DMXL2: variants seen among roughly 807,000 people sequenced by gnomAD.
DMXL2 encodes dmX-like protein 2.
Under a neutral mutation model 331.1 loss-of-function variants are expected in DMXL2, and 103 were observed. That is an observed-to-expected ratio of 0.31 (90% CI 0.27 to 0.37). The LOEUF (loss-of-function observed/expected upper bound fraction) is 0.37. Among genes scored for constraint, DMXL2 ranks in the 10% least tolerant of loss-of-function variants. The pLI is 1.00. For synonymous variants in DMXL2, 1,281 were observed against 1,252.1 expected (o/e 1.02, Z -0.49); for missense variants, 3,171 against 3,642.9 (o/e 0.87, Z 3.33).
intron 8 of DMXL2, among the ~76,000 whole-genome samples, 168 bp from the exon 9 acceptor site, chr15:51,542,675 C>T (rs955753223): frequency 1.3e-5 from 2 of 152,088 alleles, no homozygotes; most frequent in African/African-American, 2.4e-5. Context: ...GTATTCTCTA[C>T]AGTTCTTGTA....
intron 6 of DMXL2, among the ~76,000 whole-genome samples, chr15:51,550,224 A>G (rs1477290164): frequency 2.0e-5 from 3 of 152,160 alleles, no homozygotes; most frequent in African/African-American, 7.2e-5. Context: ...AAAATCCAGC[A>G]TCCCTTTATA....
intron 30 of DMXL2, 149 bp from the exon 31 acceptor site, chr15:51,465,800 T>C (rs1452984430): frequency 1.6e-6 from 1 of 615,442 alleles, no homozygotes; most frequent in Non-Finnish European, 2.8e-6. Context: ...GGCACCTCTG[T>C]GGTCACTGAA....
intron 6 of DMXL2, among the ~76,000 whole-genome samples, chr15:51,563,022 A>G (rs1459037537): frequency 6.6e-6 from 1 of 152,228 alleles, no homozygotes; most frequent in Admixed American, 6.5e-5. Context: ...CCTCCTGGAC[A>G]CAGGAATTAG....
intron 2 of DMXL2, among the ~76,000 whole-genome samples, chr15:51,574,604 T>C (rs893184883): frequency 1.3e-5 from 2 of 152,158 alleles, no homozygotes; most frequent in Non-Finnish European, 2.9e-5. Flanking sequence ...AACATGTCAA[T>C]CAATGAATGA....
chr15:51,551,432 T>G (rs1282325466), intron 6 of DMXL2, among the ~76,000 whole-genome samples: 1 of 152,146 alleles, frequency 6.6e-6, no homozygotes, highest in Non-Finnish European at 1.5e-5. Flanking sequence ...CAGGGAAGGG[T>G]AGGCATCCTG....
Position 51,471,398 on chromosome 15 carries a change from G to A in DMXL2, c.7217C>T (p.Pro2406Leu), listed in dbSNP as rs1228059893. Reference protein sequence around the residue: ...PRRQSENISAPPVLSEDIDKH... With the variant: ...PRRQSENISALPVLSEDIDKH... ...ATCTATGTCTTCAGAAAGGACAGGA[G>A]GTGCTAAATGAAGATAGAAGGAAAA... The change falls in exon 29 of 44, where the codon CCT becomes CTT. Residue 2406 changes from proline to leucine, a missense_variant. By Grantham distance (98) the Pro-to-Leu change is moderately conservative. Transcript: ENST00000560891. The A allele has an allele frequency of 6.3e-7, 1 of 1,587,072 alleles. No individual in the cohort carries two copies. The highest frequency in any genetic ancestry group is 8.6e-7 in the Non-Finnish European group (1 of 1,165,270).
intron 15 of DMXL2, among the ~76,000 whole-genome samples, chr15:51,512,963 T>C: frequency 6.6e-6 from 1 of 152,130 alleles, no homozygotes; most frequent in East Asian, 1.9e-4. Flanking sequence ...GCATTTTTCT[T>C]AACTAAAAGG....
At chr15:51,608,419 C>A (rs894307302) in intron 1 of DMXL2, among the ~76,000 whole-genome samples, 3 of 151,946 alleles carry the variant, frequency 2.0e-5, no homozygotes, top group Admixed American at 2.0e-4. Context: ...ACTATGCAGC[C>A]AAAAAAATGA....
chr15:51,480,504 T>C, intron 24 of DMXL2, 38 bp downstream of exon 24: 2 of 1,476,438 alleles, frequency 1.4e-6, no homozygotes, highest in Non-Finnish European at 1.8e-6. Flanking sequence ...CTGAAATTAC[T>C]GAAATAACCA....
intron 6 of DMXL2, among the ~76,000 whole-genome samples, chr15:51,556,342 C>CA (rs1337118023): frequency 3.4e-4 from 16 of 46,480 alleles, no homozygotes; most frequent in Admixed American, 4.6e-4. Flanking sequence ...GACACTGTCT[C>CA]AAAAAAAAAA....
At chr15:51,474,238 A>T in intron 28 of DMXL2, 106 bp downstream of exon 28, 1 of 1,046,720 alleles carries the variant, frequency 9.6e-7, no homozygotes, top group Non-Finnish European at 1.4e-6. Context: ...ATTATACTTT[A>T]AGCATCGCTT....
rs113837697 is a variant in DMXL2, at chr15:51,578,601, T to C, written c.88-2420A>G. ...CTACATGGATAAAATAATTTGGCAA[T>C]ATCTATCAAAATCTTAAGTACAATA... On this transcript the variant is annotated intron_variant, in intron 1 of 43. Coordinates refer to ENST00000560891, the MANE Select transcript of DMXL2 (RefSeq NM_001378457.1). Among the ~76,000 whole-genome samples, 394 of 152,336 alleles carry C rather than the reference T, an allele frequency of 2.6e-3. 3 individuals are homozygous for C. Among genetic ancestry groups the C allele is most frequent in the Admixed American group, 7.1e-3 (109 of 15,296 alleles).
At chr15:51,512,467 T>C (rs548515730) in intron 15 of DMXL2, among the ~76,000 whole-genome samples, 1 of 152,222 alleles carries the variant, frequency 6.6e-6, no homozygotes, top group African/African-American at 2.4e-5. Context: ...AAGTTATTTT[T>C]AGAAACGCAT....
chr15:51,609,474 T>C (rs2053810678), intron 1 of DMXL2, among the ~76,000 whole-genome samples: 1 of 152,236 alleles, frequency 6.6e-6, no homozygotes, highest in African/African-American at 2.4e-5. Context: ...TATAATGCCA[T>C]ATTTTCACTG....
At chr15:51,606,470 C>T (rs2053596243) in intron 1 of DMXL2, among the ~76,000 whole-genome samples, 1 of 152,192 alleles carries the variant, frequency 6.6e-6, no homozygotes, top group South Asian at 2.1e-4. Context: ...GCTGGGATTA[C>T]AGGCATGAGC....
intron 1 of DMXL2, among the ~76,000 whole-genome samples, chr15:51,609,961 T>C (rs2053850065): frequency 6.6e-6 from 1 of 151,994 alleles, no homozygotes; most frequent in African/African-American, 2.4e-5. Flanking sequence ...TCTAGGTTTG[T>C]GTAAGTACAC....
At chr15:51,504,378 A>G (rs2043903711) in intron 16 of DMXL2, among the ~76,000 whole-genome samples, 1 of 152,236 alleles carries the variant, frequency 6.6e-6, no homozygotes, top group Non-Finnish European at 1.5e-5. Context: ...AAGTTCTAAG[A>G]AAATTTAAGA....
At chr15:51,516,890 T>G (rs964959878) in intron 14 of DMXL2, among the ~76,000 whole-genome samples, 188 bp downstream of exon 14, 1 of 152,216 alleles carries the variant, frequency 6.6e-6, no homozygotes, top group Admixed American at 6.5e-5. Context: ...GAACATACAG[T>G]TCTTGGTTTC....
At chr15:51,569,678 C>A (rs2050532502) in intron 2 of DMXL2, among the ~76,000 whole-genome samples, 1 of 152,202 alleles carries the variant, frequency 6.6e-6, no homozygotes, top group African/African-American at 2.4e-5. Flanking sequence ...TGGTGATACC[C>A]AGGCAAACAG....
Sources: allele counts gnomAD v4.1 joint callset (sites outside exome capture counted in the v4.1 genomes callset), GRCh38; gene constraint gnomAD v4.1.1; transcripts MANE v1.5; gene names NCBI Gene and HGNC (gene_info 2026-07-23, HGNC 2026-07-21).